Variants in MUC3A observed in about 807,000 individuals in gnomAD.
MUC3A encodes the protein mucin-3A.
A neutral mutation model predicts 109.0 loss-of-function variants in MUC3A; 109 were observed. The ratio of observed to expected loss-of-function variants is 1.00; its 90% CI spans 0.86 to 1.17. MUC3A has a LOEUF of 1.17. MUC3A is among the 50% of genes most tolerant of loss of function. The pLI, the probability that MUC3A is intolerant of heterozygous loss-of-function variation, is 0.00. For missense variants in MUC3A, 3,537 were observed against 2,469.4 expected (o/e 1.43, Z -9.16); for synonymous variants, 1,398 against 981.4 (o/e 1.42, Z -7.93).
intron 10 of MUC3A, 72 bp from the exon 11 acceptor site, chr7:100,966,827 T>G: frequency 6.3e-7 from 1 of 1,598,426 alleles, no homozygotes; most frequent in East Asian, 2.2e-5. Flanking sequence ...CTTCCTCGCA[T>G]TTACTCCGTC....
chr7:100,958,534 G>T lies in MUC3A; in HGVS notation c.6755G>T (p.Ser2252Ile), dbSNP rs1348271854. ...SITTTETTSH[S>I]TPSFTSSITT... Reference sequence around the variant, plus strand: ...ACCACCACTGAGACTACATCCCACAGTACTCCCAGCTTCACTTCTTCGATC... The same window carrying T: ...ACCACCACTGAGACTACATCCCACATTACTCCCAGCTTCACTTCTTCGATC... The change falls in exon 2 of 12, where the codon AGT becomes ATT. Residue 2252 changes from serine to isoleucine, a missense_variant. Physicochemically the swap from Ser to Ile is moderately radical, Grantham distance 142 (BLOSUM62 -2). Coordinates refer to ENST00000379458, the MANE Select transcript of MUC3A (RefSeq NM_005960.2). 2 of 1,350,628 alleles carry T rather than the reference G, an allele frequency of 1.5e-6. No homozygotes were observed. The highest frequency in any genetic ancestry group is 2.1e-6 in the Non-Finnish European group (2 of 955,786). The allele number at this position is 1,350,628 out of a possible 1,614,324, so 83.7% of individuals were successfully genotyped here.
chr7:100,964,526 A>G, intron 5 of MUC3A, 169 bp from the exon 6 acceptor site: 1 of 1,132,810 alleles, frequency 8.8e-7, no homozygotes, highest in South Asian at 1.8e-5. Flanking sequence ...CAGGCAGACC[A>G]AGTCAGGAAT....
chr7:100,967,070 C>G, intron 11 of MUC3A, 51 bp from the exon 12 acceptor site: 1 of 1,598,498 alleles, frequency 6.3e-7, no homozygotes, highest in East Asian at 2.2e-5. Flanking sequence ...ACCTCCCTGT[C>G]AGCCCAAACC....
rs564248922 is a variant in MUC3A at position 100,959,674 on chromosome 7, C to G, written c.7895C>G (p.Pro2632Arg). 15 of 1,598,528 alleles carry G rather than the reference C, an allele frequency of 9.4e-6. No homozygotes were observed. The highest frequency in any genetic ancestry group is 1.7e-4 in the Middle Eastern group (1 of 6,060). ...TIVSTSQVPI[P>R]STHSSTLQTT... ...GTGTCAACATCACAGGTTCCTATTC[C>G]TAGCACACATTCCTCCACCCTTCAA... is the stretch of plus-strand genomic sequence containing the variant. The change falls in exon 2 of 12, where the codon CCT becomes CGT. Residue 2632 changes from proline (P) to arginine (R), a missense_variant. Transcript: ENST00000379458.
chr7:100,959,354 C>A lies in MUC3A; in HGVS notation c.7575C>A (p.Ile2525=), dbSNP rs1404118221. Residue 2525 remains isoleucine, a synonymous_variant, in exon 2 of 12, where the codon ATC becomes ATA. Transcript: ENST00000379458. The part of the protein sequence containing the change: ...DISTLPTRTH[I]ISSSPSIQST... ...GTACCTTACCAACTCGAACACACAT[C>A]ATTTCATCTTCTCCCTCCATCCAAA... 3 of 1,541,522 alleles carry A rather than the reference C, an allele frequency of 1.9e-6. No individual in the cohort carries two copies. Among genetic ancestry groups the A allele is most frequent in the Non-Finnish European group, 2.6e-6 (3 of 1,152,654 alleles).
Position 100,952,309 on chromosome 7 carries a change from C to A in MUC3A, c.530C>A (p.Thr177Asn), listed in dbSNP as rs1791973687. Residue 177 changes from threonine (T) to asparagine (N), a missense_variant, in exon 2 of 12, where the codon ACC becomes AAC. Coordinates refer to ENST00000379458, the MANE Select transcript of MUC3A (RefSeq NM_005960.2). Reference sequence around the variant, plus strand: ...ACCGTCACCAGTACTTACTCTATGACCACTACTGAGAAAGGAACGTCAGCC... The same window carrying A: ...ACCGTCACCAGTACTTACTCTATGAACACTACTGAGAAAGGAACGTCAGCC... ...VTTVTSTYSM[T>N]TTEKGTSAMT... is the part of the protein sequence containing the mutation. 15 of 1,598,412 alleles carry A rather than the reference C, an allele frequency of 9.4e-6. No homozygotes were observed. The Admixed American group carries it at 2.2e-4, about 23-fold the overall frequency.
chr7:100,955,248 T>C lies in MUC3A; in HGVS notation c.3469T>C (p.Ser1157Pro). 1.5e-6 allele frequency: 1 copy of C among 656,990 alleles called. No individual in the cohort carries two copies. The highest frequency in any genetic ancestry group is 2.7e-6 in the Non-Finnish European group (1 of 367,770). 40.7% of individuals were successfully genotyped at this position (656,990 alleles called of 1,614,324 possible). ...CCTTAGTACCCCCAGCTTCACTTCT[T>C]CAACCATCTACTCCACAGTCAGCAC... is the stretch of plus-strand genomic sequence containing the variant. ...TSLSTPSFTS[S>P]TIYSTVSTST... The change falls in exon 2 of 12, where the codon TCA becomes CCA. Residue 1157 changes from serine (S) to proline (P), a missense_variant. Physicochemically the swap from Ser to Pro is moderately conservative, Grantham distance 74. Transcript: ENST00000379458.
chr7:100,950,061 G>C (rs1018497055), intron 1 of MUC3A, among the ~76,000 whole-genome samples: 3 of 152,230 alleles, frequency 2.0e-5, no homozygotes, highest in African/African-American at 7.2e-5. Flanking sequence ...TCTGTCACCT[G>C]CCTCACGCCC....
At chr7:100,949,784 T>G in intron 1 of MUC3A, 99 bp downstream of exon 1, 2 of 1,207,462 alleles carry the variant, frequency 1.7e-6, no homozygotes, top group Non-Finnish European at 2.2e-6. Flanking sequence ...GGAGGGGGGA[T>G]AAGAAGGCAC....
At chr7:100,961,293 G>T (rs1244657130) in intron 3 of MUC3A, among the ~76,000 whole-genome samples, 1 of 152,312 alleles carries the variant, frequency 6.6e-6, no homozygotes, top group Non-Finnish European at 1.5e-5. Flanking sequence ...GTGTCACTGG[G>T]CTGAAATCAA....
chr7:100,962,793 TTCTTTC>T (rs1297259651), intron 3 of MUC3A, among the ~76,000 whole-genome samples: 4 of 130,792 alleles, frequency 3.1e-5, no homozygotes, highest in Admixed American at 7.3e-5. Context: ...TTCTCTTTCT[TTCTTTC>T]TCTCTCTCTC....
At position 100,960,169 on chromosome 7, in the gene MUC3A, C is replaced by A. The variant is rs1389203237; in HGVS notation, c.8390C>A (p.Ser2797Tyr). ...VEMDPSTEAT[S>Y]PPTTPLTVFP... ...ATGGATCCCAGCACTGAAGCTACTTCTCCTCCCACCACCCCATTAACAGTC... is the reference window on the plus strand; with the variant it reads ...ATGGATCCCAGCACTGAAGCTACTTATCCTCCCACCACCCCATTAACAGTC... Residue 2797 changes from serine to tyrosine, a missense_variant, in exon 2 of 12, where the codon TCT becomes TAT. Transcript: ENST00000379458. 2.5e-6 allele frequency: 4 copies of A among 1,574,820 alleles called. No homozygotes were observed. Among genetic ancestry groups the A allele is most frequent in the Non-Finnish European group, 3.4e-6 (4 of 1,166,384 alleles).
intron 5 of MUC3A, 87 bp downstream of exon 5, chr7:100,963,839 A>T (rs1310177254): frequency 1.9e-6 from 3 of 1,562,696 alleles, no homozygotes; most frequent in Non-Finnish European, 2.6e-6. Flanking sequence ...TTTTGTAATC[A>T]TCAGATTTTA....
intron 5 of MUC3A, 79 bp from the exon 6 acceptor site, chr7:100,964,616 T>G (rs1350211961): frequency 3.9e-6 from 6 of 1,520,536 alleles, no homozygotes; most frequent in Non-Finnish European, 5.3e-6. Context: ...TGGTGCACTT[T>G]GGGTTGCTTC....
intron 5 of MUC3A, chr7:100,964,327 G>A (rs1156403019): frequency 1.6e-5 from 4 of 248,070 alleles, no homozygotes; most frequent in Non-Finnish European, 2.3e-5. Flanking sequence ...AGGCATGGTA[G>A]TGCACACCTG....
At position 100,966,818 on chromosome 7, in the gene MUC3A, T is replaced by G. The variant is rs1792588700; in HGVS notation, c.9877+75T>G. 2.5e-6 allele frequency: 4 copies of G among 1,598,418 alleles called. No homozygotes were observed. The Admixed American group carries it at 6.7e-5, about 27-fold the overall frequency. On this transcript the variant is annotated intron_variant, in intron 10 of 11. Coordinates refer to ENST00000379458, the MANE Select transcript of MUC3A (RefSeq NM_005960.2). ...TGCGAGGACAGACGCCCTCCCTGCC[T>G]TCCTCGCATTTACTCCGTCCCCCTC...
chr7:100,966,255 T>G, intron 8 of MUC3A, 131 bp from the exon 9 acceptor site: 13 of 1,057,376 alleles, frequency 1.2e-5, no homozygotes, highest in African/African-American at 1.8e-5. Context: ...TCCCAGCCCC[T>G]TGTCTAGGGT....
At chr7:100,965,586 C>G in intron 7 of MUC3A, 118 bp from the exon 8 acceptor site, 1 of 1,502,646 alleles carries the variant, frequency 6.7e-7, no homozygotes, top group South Asian at 1.3e-5. Flanking sequence ...GTCTACCCCA[C>G]AGCATCCCAC....
Position 100,963,698 on chromosome 7 carries a change from T to A in MUC3A, c.9179T>A (p.Ile3060Asn). The A allele has an allele frequency of 6.3e-7, 1 of 1,598,508 alleles. No individual in the cohort carries two copies. The highest frequency in any genetic ancestry group is 1.1e-5 in the South Asian group (1 of 91,088). The change falls in exon 5 of 12, where the codon ATT becomes AAT. Residue 3060 changes from isoleucine (I) to asparagine (N), a missense_variant. Transcript: ENST00000379458. ...NKTFWNQMQK[I>N]FADMQGFTFK... The stretch of plus-strand genomic sequence containing the variant: ...TCCTTGGTGTTTCAGATGCAGAAGA[T>A]TTTTGCAGACATGCAGGGCTTCACC...
Sources: gnomAD v4.1 joint callset for allele counts (sites outside exome capture counted in the v4.1 genomes callset) on GRCh38, gnomAD v4.1.1 for gene constraint, MANE v1.5 for transcripts, NCBI Gene and HGNC (gene_info 2026-07-23, HGNC 2026-07-21) for gene names.